FBN3: variants seen among roughly 807,000 people sequenced by gnomAD.
FBN3 encodes fibrillin 3, also known as fibrillin-3.
FBN3 carries 234 observed loss-of-function variants against 330.1 expected under a neutral mutation model. The observed-to-expected ratio is 0.71, with a 90% CI of 0.64 to 0.79. The LOEUF is 0.79. Among genes scored for constraint, FBN3 ranks in the 30% least tolerant of loss-of-function variants. The probability of loss-of-function intolerance (pLI) is 0.00; values close to 1 mark genes in which losing one functional copy is unlikely to be tolerated. For missense variants in FBN3, 3,606 were observed against 3,886.9 expected (o/e 0.93, Z 1.92); for synonymous variants, 1,458 against 1,517.3 (o/e 0.96, Z 0.91).
chr19:8,103,434 T>G, intron 39 of FBN3, 128 bp downstream of exon 39: 1 of 958,504 alleles, frequency 1.0e-6, no homozygotes, highest in Middle Eastern at 3.5e-4. Context: ...CTTTGTTTAC[T>G]GCCACATGTC....
At chr19:8,081,334 G>C (rs369858743) in intron 58 of FBN3, 24 bp downstream of exon 58, 20 of 1,581,588 alleles carry the variant, frequency 1.3e-5, no homozygotes, top group Admixed American at 8.9e-5. Context: ...TGGTGGGAGT[G>C]GGGGAGAGTT....
chr19:8,071,496 C>T (rs1362679192), intron 63 of FBN3, among the ~76,000 whole-genome samples: 1 of 152,174 alleles, frequency 6.6e-6, no homozygotes, highest in Non-Finnish European at 1.5e-5. Flanking sequence ...CTCCCCAAGG[C>T]TCAGACAGGG....
chr19:8,077,484 C>T lies in FBN3; in HGVS notation c.7454-2073G>A, dbSNP rs553177172. 3.9e-5 allele frequency among the ~76,000 whole-genome samples: 6 copies of T among 152,028 alleles called. No individual in the cohort carries two copies. The East Asian group carries it at 1.2e-3, about 30-fold the overall frequency. ...TGAAACCCCATCTCTACTAAAAATA[C>T]AAAAATTAGCTGGATGTGGTGCTGC... On this transcript the variant is annotated intron_variant, in intron 59 of 63. Transcript: ENST00000600128.
rs1417697389 is a variant in FBN3 at position 8,111,729 on chromosome 19, T to C, written c.4003A>G (p.Arg1335Gly). ...CCAGGGACATTGAGACAGTCACCTC[T>C]TGGGCTGCACCGGTGCTCCTGGGAG... Reference protein sequence around the residue: ...CVSQEHRCSPRGDCLNVPGSY... With the variant: ...CVSQEHRCSPGGDCLNVPGSY... Residue 1335 changes from arginine (R) to glycine (G), a missense_variant, in exon 32 of 64, where the codon AGA (arginine) becomes GGA (glycine). Coordinates refer to ENST00000600128, the MANE Select transcript of FBN3 (RefSeq NM_032447.5). 1 of 1,611,212 alleles carries C rather than the reference T, an allele frequency of 6.2e-7. No individual in the cohort carries two copies. The highest frequency in any genetic ancestry group is 2.2e-5 in the East Asian group (1 of 44,714).
chr19:8,072,943 A>C, intron 62 of FBN3, 120 bp downstream of exon 62: 1 of 826,438 alleles, frequency 1.2e-6, no homozygotes, highest in Admixed American at 2.4e-5. Context: ...TCTTCTGGTA[A>C]ATTCTTGGCA....
In FBN3 at chr19:8,086,222, G is replaced by C. The variant is rs917259947; in HGVS notation, c.6858C>G (p.Ser2286Arg). Residue 2286 changes from serine to arginine, a missense_variant, in exon 55 of 64, where the codon AGC (serine) becomes AGG (arginine). Transcript: ENST00000600128. Reference protein sequence around the residue: ...RCDCDEGFQPSPTLTECHDIR... With the variant: ...RCDCDEGFQPRPTLTECHDIR... ...CACCGTGGCACTCGGTAAGGGTGGG[G>C]CTGGGCTGGAATCCCTCATCACAGT... 1.2e-6 allele frequency: 2 copies of C among 1,609,856 alleles called. No individual in the cohort carries two copies. The highest frequency in any genetic ancestry group is 2.7e-5 in the African/African-American group (2 of 74,688).
chr19:8,138,405 T>C lies in FBN3; in HGVS notation c.1018+7A>G, dbSNP rs370382552. 14 of 1,610,500 alleles carry C rather than the reference T, an allele frequency of 8.7e-6. No homozygotes were observed. In the African/African-American group the frequency reaches 1.7e-4, roughly 20 times the overall value. ...CCACAGCCCTGCAGGCTGCAGCTCT[T>C]ACTCACTGGAGCCCCGAGGAGGACA... is the stretch of plus-strand genomic sequence containing the variant. On this transcript the variant is annotated splice_region_variant and intron_variant, in intron 9 of 63. Coordinates refer to ENST00000600128, the MANE Select transcript of FBN3 (RefSeq NM_032447.5).
Position 8,073,002 on chromosome 19 carries a change from T to TGTGTGC in FBN3, c.7937+60_7937+61insGCACAC, listed in dbSNP as rs763385469. 154 of 930,832 alleles carry TGTGTGC rather than the reference T, an allele frequency of 1.7e-4. 2 individuals carry two copies. Among genetic ancestry groups the TGTGTGC allele is most frequent in the Admixed American group, 5.8e-4 (29 of 49,734 alleles). 57.7% of individuals were successfully genotyped at this position (930,832 alleles called of 1,614,324 possible). A position where few individuals can be genotyped will look rare whatever the true frequency, so the allele number is the denominator to read the frequency against. On this transcript the variant is annotated intron_variant, in intron 62 of 63. Coordinates refer to ENST00000600128, the MANE Select transcript of FBN3 (RefSeq NM_032447.5). ...GTGTGTGTGTGTGTGTGTGTGTGTG[T>TGTGTGC]GCGTGCGTGCATGGACGCTTGCGGG... is the stretch of plus-strand genomic sequence containing the variant.
chr19:8,135,936 G>GGGGGGGGGGGGCGCCCCCCC, intron 13 of FBN3, 25 bp downstream of exon 13: 1 of 668,778 alleles, frequency 1.5e-6, no homozygotes, highest in Non-Finnish European at 2.4e-6. Context: ...GGAAGCCCCT[G>GGGGGGGGGGGGCGCCCCCCC]CCCACCCGCC....
intron 59 of FBN3, among the ~76,000 whole-genome samples, chr19:8,079,859 GGAT>G (rs2081734794): frequency 6.6e-6 from 1 of 152,090 alleles, no homozygotes; most frequent in African/African-American, 2.4e-5. Flanking sequence ...CAAAGTGATG[GGAT>G]TACAGGCATG....
At chr19:8,140,162 A>G (rs2145030900) in intron 8 of FBN3, among the ~76,000 whole-genome samples, 1 of 152,310 alleles carries the variant, frequency 6.6e-6, no homozygotes, top group East Asian at 1.9e-4. Flanking sequence ...GAGACAGAAT[A>G]TAAGAATTTC....
chr19:8,082,088 CAA>C, intron 57 of FBN3, among the ~76,000 whole-genome samples: 1 of 152,190 alleles, frequency 6.6e-6, no homozygotes, highest in East Asian at 1.9e-4. Flanking sequence ...CTCAGCCTCC[CAA>C]GCAGCTGGGA....
intron 51 of FBN3, among the ~76,000 whole-genome samples, chr19:8,088,744 T>A (rs1433409743): frequency 6.6e-6 from 1 of 151,868 alleles, no homozygotes; most frequent in Non-Finnish European, 1.5e-5. Context: ...AAGGAATGAG[T>A]GAGTAAATGA....
At chr19:8,087,262 TG>T (rs779635949) in intron 53 of FBN3, 51 bp from the exon 54 acceptor site, 60 of 1,505,302 alleles carry the variant, frequency 4.0e-5, no homozygotes, top group Non-Finnish European at 5.0e-5. Flanking sequence ...ACCCTATGGC[TG>T]TGGGGACCTG....
At position 8,109,761 on chromosome 19, in the gene FBN3, G is replaced by C; in HGVS notation, c.4334-8C>G. ...CTGCACACTCGTTGATGTCTGTAGGGAGGAAGCGCGGTCCTCAGCAGGGAG... is the reference window on the plus strand; with the variant it reads ...CTGCACACTCGTTGATGTCTGTAGGCAGGAAGCGCGGTCCTCAGCAGGGAG... On this transcript the variant is annotated splice_polypyrimidine_tract_variant and splice_region_variant and intron_variant, in intron 34 of 63. Transcript: ENST00000600128. The surrounding 1 kb of genome is among the most constrained non-coding windows in gnomAD (Gnocchi z 5.2). 1 of 1,487,360 alleles carries C rather than the reference G, an allele frequency of 6.7e-7. No homozygotes were observed. Among genetic ancestry groups the C allele is most frequent in the South Asian group, 1.4e-5 (1 of 70,296 alleles). The allele number at this position is 1,487,360 out of a possible 1,614,324, so 92.1% of individuals were successfully genotyped here.
rs1599391832 is a variant in FBN3, at chr19:8,121,802, T to G, written c.3083-416A>C. On this transcript the variant is annotated intron_variant, in intron 24 of 63. Transcript: ENST00000600128. The surrounding 1 kb of genome is among the most constrained non-coding windows in gnomAD (Gnocchi z 4.5). Reference sequence around the variant, plus strand: ...TCTTGCTCTGTCACCCAGGATGGAGTGCAGTGATGCAATCTCGGCTCACTG... The same window carrying G: ...TCTTGCTCTGTCACCCAGGATGGAGGGCAGTGATGCAATCTCGGCTCACTG... Among the ~76,000 whole-genome samples the G allele has an allele frequency of 6.6e-6, 1 of 152,148 alleles. No homozygotes were observed. The highest frequency in any genetic ancestry group is 1.5e-5 in the Non-Finnish European group (1 of 68,024).
At chr19:8,082,816 TTTTC>T (rs2081838180) in intron 57 of FBN3, among the ~76,000 whole-genome samples, 1 of 151,526 alleles carries the variant, frequency 6.6e-6, no homozygotes, top group Non-Finnish European at 1.5e-5. Flanking sequence ...TCTTTCTTTC[TTTTC>T]TTTTGTTTTT....
intron 10 of FBN3, 53 bp from the exon 11 acceptor site, chr19:8,136,584 C>T: frequency 6.2e-7 from 1 of 1,604,918 alleles, no homozygotes; most frequent in Non-Finnish European, 8.5e-7. Context: ...CCGCCCCAGT[C>T]TGGAGCCTGG....
chr19:8,149,200 C>G lies in FBN3; in HGVS notation c.-18+249G>C, dbSNP rs2083619747. Among the ~76,000 whole-genome samples, 1 of 151,936 alleles carries G rather than the reference C, an allele frequency of 6.6e-6. No individual in the cohort carries two copies. Among genetic ancestry groups the G allele is most frequent in the South Asian group, 2.1e-4 (1 of 4,832 alleles). ...CCCCGGCCGCGACCACGCTTGGCTCCGCCCTCACCTGTGGGGTCAGGGGCC... is the reference window on the plus strand; with the variant it reads ...CCCCGGCCGCGACCACGCTTGGCTCGGCCCTCACCTGTGGGGTCAGGGGCC... On this transcript the variant is annotated intron_variant, in intron 1 of 63. Transcript: ENST00000600128. The surrounding 1 kb of genome is among the most constrained non-coding windows in gnomAD (Gnocchi z 5.5).
Sources: allele counts gnomAD v4.1 joint callset (sites outside exome capture counted in the v4.1 genomes callset), GRCh38; gene constraint gnomAD v4.1.1; non-coding constraint Gnocchi (gnomAD v3.1); transcripts MANE v1.5; gene names NCBI Gene and HGNC (gene_info 2026-07-23, HGNC 2026-07-21).